ME3: variants seen among roughly 807,000 people sequenced by gnomAD.
ME3 encodes the protein NADP-dependent malic enzyme, mitochondrial.
A neutral mutation model predicts 68.9 loss-of-function variants in ME3; 48 were observed. The ratio of observed to expected loss-of-function variants is 0.70; its 90% CI spans 0.55 to 0.89. The LOEUF (loss-of-function observed/expected upper bound fraction) is 0.89. Ranked by LOEUF, ME3 falls within the 40% of genes least tolerant of loss-of-function variation. The probability of loss-of-function intolerance (pLI) is 0.00; values close to 1 mark genes in which losing one functional copy is unlikely to be tolerated. For synonymous variants in ME3, 320 were observed against 318.8 expected (o/e 1.00, Z -0.04); for missense variants, 675 against 797.4 (o/e 0.85, Z 1.85).
intron 2 of ME3, among the ~76,000 whole-genome samples, chr11:86,666,297 C>T (rs556465186): frequency 8.6e-4 from 131 of 152,306 alleles, no homozygotes; most frequent in African/African-American, 3.1e-3. Context: ...GCGTGGAATT[C>T]ACAGCAGAGG....
intron 3 of ME3, 43 bp downstream of exon 3, chr11:86,559,647 C>T: frequency 1.3e-6 from 2 of 1,571,116 alleles, no homozygotes; most frequent in South Asian, 2.3e-5. Context: ...ACAGACAGCT[C>T]AGCCCAAGGA....
chr11:86,534,081 GTA>G (rs57566563), intron 4 of ME3, among the ~76,000 whole-genome samples: 21,597 of 126,470 alleles, frequency 0.17, 1,596 homozygotes, highest in East Asian at 0.21. Flanking sequence ...GTGTGTGTGT[GTA>G]TATATATATA....
chr11:86,505,756 A>G (rs1471839617), intron 5 of ME3, among the ~76,000 whole-genome samples: 1 of 152,230 alleles, frequency 6.6e-6, no homozygotes. Flanking sequence ...GTGAAGCTTC[A>G]TGGCCAGAAT....
chr11:86,518,070 A>G (rs995428461), intron 4 of ME3, among the ~76,000 whole-genome samples: 2 of 152,214 alleles, frequency 1.3e-5, no homozygotes, highest in African/African-American at 2.4e-5. Flanking sequence ...GAGTGGAAAA[A>G]CACCCAAACC....
chr11:86,642,185 C>A (rs1944712014), intron 2 of ME3, among the ~76,000 whole-genome samples: 1 of 152,226 alleles, frequency 6.6e-6, no homozygotes, highest in East Asian at 1.9e-4. Flanking sequence ...AAATTCTCAT[C>A]TAGAAAACAT....
At chr11:86,643,908 G>C (rs1250943505) in intron 2 of ME3, among the ~76,000 whole-genome samples, 2 of 152,174 alleles carry the variant, frequency 1.3e-5, no homozygotes, top group African/African-American at 4.8e-5. Flanking sequence ...CTGGGCTCCA[G>C]CATCCTCCCC....
chr11:86,495,452 G>A (rs1952262110), intron 6 of ME3, among the ~76,000 whole-genome samples: 1 of 152,180 alleles, frequency 6.6e-6, no homozygotes, highest in Non-Finnish European at 1.5e-5. Flanking sequence ...TGGATGCAGT[G>A]GCCTCAGAAT....
chr11:86,648,328 G>A (rs1211332807), intron 2 of ME3, among the ~76,000 whole-genome samples: 1 of 152,184 alleles, frequency 6.6e-6, no homozygotes, highest in Non-Finnish European at 1.5e-5. Flanking sequence ...CTAAAGCAGT[G>A]TTAAGAGGAA....
intron 2 of ME3, among the ~76,000 whole-genome samples, chr11:86,671,415 C>T (rs1307316166): frequency 1.3e-5 from 2 of 152,160 alleles, no homozygotes; most frequent in Admixed American, 1.3e-4. Flanking sequence ...ATAAGGAAAC[C>T]TAGGCTCATG....
downstream of ME3, among the ~76,000 whole-genome samples, chr11:86,439,534 A>T (rs922383712): frequency 5.3e-5 from 8 of 152,244 alleles, no homozygotes; most frequent in Admixed American, 3.3e-4. Context: ...CTAAAATTTA[A>T]TCAGTAAAGA....
intron 2 of ME3, among the ~76,000 whole-genome samples, chr11:86,657,709 G>A (rs1945998230): frequency 6.6e-6 from 1 of 152,078 alleles, no homozygotes; most frequent in Middle Eastern, 3.4e-3. Context: ...AGACTCCTGA[G>A]GTATCATTTT....
intron 2 of ME3, among the ~76,000 whole-genome samples, chr11:86,600,760 C>T (rs1960494184): frequency 6.6e-6 from 1 of 151,844 alleles, no homozygotes; most frequent in Non-Finnish European, 1.5e-5. Context: ...GTCTCTCAGA[C>T]CACAGTGCAA....
At chr11:86,549,954 A>G (rs993965042) in intron 4 of ME3, among the ~76,000 whole-genome samples, 1 of 152,178 alleles carries the variant, frequency 6.6e-6, no homozygotes. Flanking sequence ...ATGGGCTGGA[A>G]AATACGGGAT....
At chr11:86,448,195 A>T in exon 11 of ME3, 2 of 1,614,072 alleles carry the variant, frequency 1.2e-6, no homozygotes, top group Non-Finnish European at 1.7e-6. Flanking sequence ...TCCTCCAGGG[A>T]GTTGACTTCA....
chr11:86,561,135 A>G (rs1357633170), intron 2 of ME3, among the ~76,000 whole-genome samples: 1 of 152,084 alleles, frequency 6.6e-6, no homozygotes, highest in Non-Finnish European at 1.5e-5. Context: ...AGCCTTGGCC[A>G]TTGGGAGTGT....
intron 2 of ME3, among the ~76,000 whole-genome samples, chr11:86,613,451 T>C (rs1942737501): frequency 6.6e-6 from 1 of 152,136 alleles, no homozygotes; most frequent in Non-Finnish European, 1.5e-5. Flanking sequence ...TTCAACATAG[T>C]ATTGGAAGTT....
intron 4 of ME3, among the ~76,000 whole-genome samples, chr11:86,546,024 T>G (rs1005586222): frequency 1.4e-4 from 21 of 152,128 alleles, no homozygotes; most frequent in African/African-American, 4.6e-4. Flanking sequence ...TCTACAACCA[T>G]CTTGATCTTT....
intron 2 of ME3, among the ~76,000 whole-genome samples, chr11:86,580,144 T>C (rs1958353883): frequency 6.6e-6 from 1 of 152,208 alleles, no homozygotes; most frequent in Non-Finnish European, 1.5e-5. Flanking sequence ...CTTGTCAAAT[T>C]GTTCCTTTCC....
intron 9 of ME3, 56 bp from the exon 10 acceptor site, chr11:86,450,058 T>G: frequency 7.4e-7 from 1 of 1,358,540 alleles, no homozygotes; most frequent in Non-Finnish European, 1.0e-6. Flanking sequence ...TGCTGAACAT[T>G]TATCTGATGT....
Sources: allele counts gnomAD v4.1 joint callset (sites outside exome capture counted in the v4.1 genomes callset), GRCh38; gene constraint gnomAD v4.1.1; transcripts MANE v1.5; gene names NCBI Gene and HGNC (gene_info 2026-07-23, HGNC 2026-07-21).